Variants in KIAA0586 observed in about 807,000 individuals in gnomAD.
KIAA0586 encodes protein TALPID3.
KIAA0586 carries 144 observed loss-of-function variants against 169.8 expected under a neutral mutation model. That is an observed-to-expected ratio of 0.85 (90% CI 0.74 to 0.97). The LOEUF (loss-of-function observed/expected upper bound fraction) is 0.97, where lower values mean the gene tolerates loss of function less well. Among genes scored for constraint, KIAA0586 ranks in the 50% least tolerant of loss-of-function variants. The probability of loss-of-function intolerance (pLI) is 0.00; values close to 1 mark genes in which losing one functional copy is unlikely to be tolerated. For missense variants in KIAA0586, 1,854 were observed against 1,823.0 expected, an observed-to-expected ratio of 1.02 and a Z score of -0.31; for synonymous variants, 625 against 612.4, an observed-to-expected ratio of 1.02 and a Z score of -0.30.
At chr14:58,440,645 T>A (rs1321485154) in intron 4 of KIAA0586, among the ~76,000 whole-genome samples, 1 of 152,176 alleles carries the variant, frequency 6.6e-6, no homozygotes, top group Non-Finnish European at 1.5e-5. Flanking sequence ...CTGAGTGATA[T>A]TTGTTAAGTA....
chr14:58,457,854 T>C lies in KIAA0586; in HGVS notation c.1458T>C (p.Asp486=). ...TTNTTRSVLK[D]AEKILRGVQN... Reference sequence around the variant, plus strand: ...ATACAACAAGATCTGTATTGAAAGATGCTGAGAAGATTTTGAGAGGAGTAC... The same window carrying C: ...ATACAACAAGATCTGTATTGAAAGACGCTGAGAAGATTTTGAGAGGAGTAC... The change falls in exon 11 of 31, where the codon GAT becomes GAC. Residue 486 remains aspartate (D), a synonymous_variant. Coordinates refer to ENST00000652326, the MANE Select transcript of KIAA0586 (RefSeq NM_001329943.3). 1 of 1,608,974 alleles carries C rather than the reference T, an allele frequency of 6.2e-7. No individual in the cohort carries two copies. The highest frequency in any genetic ancestry group is 1.3e-5 in the African/African-American group (1 of 74,992).
rs915681501 is a variant in KIAA0586 at position 58,523,941 on chromosome 14, T to A, written c.4429+11314T>A. Reference sequence around the variant, plus strand: ...TGTATTACAAATGCTATTCTTCTAATCAACCTAGTAACGATTTACTAAAAA... The same window carrying A: ...TGTATTACAAATGCTATTCTTCTAAACAACCTAGTAACGATTTACTAAAAA... On this transcript the variant is annotated intron_variant, in intron 29 of 30. Transcript: ENST00000652326. 3.3e-5 allele frequency among the ~76,000 whole-genome samples: 5 copies of A among 152,264 alleles called. No homozygotes were observed. In the South Asian group the frequency reaches 8.3e-4, roughly 25 times the overall value.
chr14:58,442,874 G>A lies in KIAA0586; in HGVS notation c.579G>A (p.Leu193=). Reference sequence around the variant, plus strand: ...CTGCCATTGCAACCGCAGCTCCGTTGATAAAGGTATATTTTTCTTCCCAGA... The same window carrying A: ...CTGCCATTGCAACCGCAGCTCCGTTAATAAAGGTATATTTTTCTTCCCAGA... ...TAAAIATAAP[L]IKVQSDLEAK... is the part of the protein sequence containing the mutation. The change falls in exon 5 of 31, where the codon TTG becomes TTA. Residue 193 remains leucine, a synonymous_variant. Transcript: ENST00000652326. 6.2e-7 allele frequency: 1 copy of A among 1,601,436 alleles called. No homozygotes were observed.
At chr14:58,427,589 G>T (rs1480552474), upstream of KIAA0586, 2 of 1,535,652 alleles carry the variant, frequency 1.3e-6, no homozygotes, top group South Asian at 1.2e-5. Context: ...ACCCGGAGAG[G>T]AATGGAAGAG....
chr14:58,544,470 A>G (rs1244142909), intron 30 of KIAA0586, among the ~76,000 whole-genome samples: 1 of 152,158 alleles, frequency 6.6e-6, no homozygotes, highest in Admixed American at 6.5e-5. Context: ...TGATTGAACT[A>G]ATTTACCCTC....
rs28535751 is a variant in KIAA0586, at chr14:58,543,931, T to C, written c.4495+3795T>C. 181,966 of 454,976 alleles carry C rather than the reference T, an allele frequency of 0.4. 37,926 individuals carry two copies. Among genetic ancestry groups the C allele is most frequent in the African/African-American group, 0.57 (28,582 of 49,916 alleles). 28.2% of individuals were successfully genotyped at this position (454,976 alleles called of 1,614,324 possible). On this transcript the variant is annotated intron_variant, in intron 30 of 30. Coordinates refer to ENST00000652326, the MANE Select transcript of KIAA0586 (RefSeq NM_001329943.3). ...GTTTCCTGTATAGGTAAACTCGGGCTGTGGAGGTTTGTCATACAGATTATT... is the reference window on the plus strand; with the variant it reads ...GTTTCCTGTATAGGTAAACTCGGGCCGTGGAGGTTTGTCATACAGATTATT...
intron 23 of KIAA0586, 66 bp downstream of exon 23, chr14:58,488,175 GA>G: frequency 8.4e-7 from 1 of 1,193,172 alleles, no homozygotes; most frequent in African/African-American, 1.5e-5. Context: ...GTGATCCATT[GA>G]AAACATAGAA....
rs202221995 is a variant in KIAA0586, at chr14:58,518,086, T to TA, written c.4429+5460dup. On this transcript the variant is annotated intron_variant, in intron 29 of 30. Transcript: ENST00000652326. The stretch of plus-strand genomic sequence containing the variant: ...CTAAGAATTTTTCAATGGTTAGTCT[T>TA]ACTGGTTATAAATTATACTTCAATA... Among the ~76,000 whole-genome samples the TA allele has an allele frequency of 2.6e-5, 4 of 152,314 alleles. No homozygotes were observed. In the East Asian group the frequency reaches 7.7e-4, roughly 29 times the overall value.
At chr14:58,505,611 C>T (rs938157784) in intron 27 of KIAA0586, among the ~76,000 whole-genome samples, 4 of 152,118 alleles carry the variant, frequency 2.6e-5, no homozygotes, top group Admixed American at 6.6e-5. Context: ...CCTTACATCC[C>T]CTCCTGAAAT....
chr14:58,467,758 A>G lies in KIAA0586; in HGVS notation c.2278A>G (p.Thr760Ala). Residue 760 changes from threonine (T) to alanine (A), a missense_variant, in exon 16 of 31, where the codon ACC becomes GCC. Physicochemically the swap from Thr to Ala is moderately conservative, Grantham distance 58. Coordinates refer to ENST00000652326, the MANE Select transcript of KIAA0586 (RefSeq NM_001329943.3). ...LLGQTQSNSD[T>A]MPPAGVIVSK... is the part of the protein sequence containing the mutation. ...AGGACAAACCCAAAGTAATAGTGAT[A>G]CCATGCCACCTGCTGGAGTGATTGT... The G allele has an allele frequency of 6.2e-7, 1 of 1,611,900 alleles. No homozygotes were observed.
intron 30 of KIAA0586, 100 bp from the exon 31 acceptor site, chr14:58,547,681 C>T (rs1332818943): frequency 2.9e-5 from 29 of 990,088 alleles, no homozygotes; most frequent in East Asian, 2.4e-4. Context: ...ATTTGGAATC[C>T]GCGCCCCCCC....
At position 58,467,824 on chromosome 14, in the gene KIAA0586, C is replaced by T; in HGVS notation, c.2344C>T (p.Pro782Ser). Residue 782 changes from proline (P) to serine (S), a missense_variant, in exon 16 of 31, where the codon CCA (proline) becomes TCA (serine). Physicochemically the swap from Pro to Ser is moderately conservative, Grantham distance 74 (BLOSUM62 -1). Transcript: ENST00000652326. ...TGTAACTGTGACTACTTCTATTCCT[C>T]CATCATCTCGAAAAGTAGAAACTGG... is the stretch of plus-strand genomic sequence containing the variant. The part of the protein sequence containing the change: ...HPVTVTTSIP[P>S]SSRKVETGVK... 6.2e-7 allele frequency: 1 copy of T among 1,613,628 alleles called. No individual in the cohort carries two copies.
At position 58,459,886 on chromosome 14, in the gene KIAA0586, A is replaced by G; in HGVS notation, c.1700A>G (p.Gln567Arg). 1.3e-6 allele frequency: 2 copies of G among 1,533,344 alleles called. No individual in the cohort carries two copies. The highest frequency in any genetic ancestry group is 1.7e-6 in the Non-Finnish European group (2 of 1,145,666). 95.0% of individuals were successfully genotyped at this position (1,533,344 alleles called of 1,614,324 possible). The change falls in exon 13 of 31, where the codon CAG becomes CGG. Residue 567 changes from glutamine (Q) to arginine (R), a missense_variant. Gln to Arg is a conservative substitution (Grantham distance 43). Coordinates refer to ENST00000652326, the MANE Select transcript of KIAA0586 (RefSeq NM_001329943.3). ...GATTATGAACAAAAAAGATTTGATC[A>G]GAAGAATCAGAGAACCAAGAAAGGT... ...RTDYEQKRFD[Q>R]KNQRTKKGQN...
In KIAA0586 at chr14:58,459,894, CAG is replaced by C; in HGVS notation, c.1712_1713del (p.Arg571AsnfsTer9). 1 of 1,533,554 alleles carries C rather than the reference CAG, an allele frequency of 6.5e-7. No individual in the cohort carries two copies. The highest frequency in any genetic ancestry group is 1.2e-5 in the South Asian group (1 of 83,722). The allele number at this position is 1,533,554 out of a possible 1,614,324, so 95.0% of individuals were successfully genotyped here. On this transcript the variant is annotated frameshift_variant, in exon 13 of 31. Coordinates refer to ENST00000652326, the MANE Select transcript of KIAA0586 (RefSeq NM_001329943.3). LOFTEE classifies it high-confidence loss of function. ...YEQKRFDQKN[Q>X]RTKKGQNMTK... ...ACAAAAAAGATTTGATCAGAAGAAT[CAG>C]AGAACCAAGAAAGGTCAGAATATGA... is the stretch of plus-strand genomic sequence containing the variant.
At chr14:58,492,102 G>T in intron 25 of KIAA0586, 42 bp from the exon 26 acceptor site, 1 of 1,412,528 alleles carries the variant, frequency 7.1e-7, no homozygotes, top group South Asian at 1.5e-5. Flanking sequence ...GCAATTGTTC[G>T]AAATAATTTA....
intron 27 of KIAA0586, among the ~76,000 whole-genome samples, chr14:58,499,720 A>G (rs569369836): frequency 6.6e-6 from 1 of 151,392 alleles, no homozygotes; most frequent in East Asian, 2.0e-4. Flanking sequence ...CACCATGCCC[A>G]GCTAATTTTT....
chr14:58,496,792 C>T (rs2043185525), intron 26 of KIAA0586, among the ~76,000 whole-genome samples: 1 of 151,992 alleles, frequency 6.6e-6, no homozygotes, highest in African/African-American at 2.4e-5. Context: ...AAATGAGAAA[C>T]ATGGGAGCTT....
chr14:58,450,881 TCTTTAGATTCTTTGTAAA>T, intron 8 of KIAA0586, 135 bp downstream of exon 8: 1 of 572,334 alleles, frequency 1.7e-6, no homozygotes, highest in South Asian at 2.8e-5. Context: ...AAATCAAGCT[TCTTTAGATTCTTTGTAAA>T]AGGGTTTGGA....
At chr14:58,474,373 A>T (rs2041448914) in intron 18 of KIAA0586, among the ~76,000 whole-genome samples, 1 of 152,236 alleles carries the variant, frequency 6.6e-6, no homozygotes, top group Admixed American at 6.5e-5. Flanking sequence ...TTGTGATTGC[A>T]TAAAATGAAT....
Sources: allele counts gnomAD v4.1 joint callset (sites outside exome capture counted in the v4.1 genomes callset), GRCh38; gene constraint gnomAD v4.1.1; transcripts MANE v1.5; gene names NCBI Gene and HGNC (gene_info 2026-07-23, HGNC 2026-07-21).